Variants in NFRKB observed in about 807,000 individuals in gnomAD.
NFRKB encodes the protein nuclear factor related to kappa-B-binding protein.
NFRKB carries 62 observed loss-of-function variants against 135.7 expected under a neutral mutation model. That is an observed-to-expected ratio of 0.46 (90% confidence interval 0.37 to 0.56). The LOEUF is 0.56. Ranked by LOEUF, NFRKB falls within the 20% of genes least tolerant of loss-of-function variation. The pLI, the probability that NFRKB is intolerant of heterozygous loss-of-function variation, is 0.00. For synonymous variants in NFRKB, 678 were observed against 635.6 expected (o/e 1.07, Z -1.00); for missense variants, 1,545 against 1,662.0 (o/e 0.93, Z 1.22).
At position 129,873,889 on chromosome 11, in the gene NFRKB, C is replaced by G; in HGVS notation, c.2406G>C (p.Leu802=). ...GCTGGGCCACCACTCGCACCTGAGA[C>G]AGTCCAGCAGAGCCAGAGTGGCTCA... ...RVVSHSGSAG[L]SQVRVVAQPS... Residue 802 remains leucine (L), a synonymous_variant, in exon 22 of 27, where the codon CTG becomes CTC. Transcript: ENST00000682444. 6.2e-7 allele frequency: 1 copy of G among 1,614,090 alleles called. No individual in the cohort carries two copies. The highest frequency in any genetic ancestry group is 8.5e-7 in the Non-Finnish European group (1 of 1,180,046).
intron 25 of NFRKB, 63 bp downstream of exon 25, chr11:129,865,814 T>C (rs1349453344): frequency 5.5e-6 from 8 of 1,462,606 alleles, no homozygotes; most frequent in Non-Finnish European, 7.7e-6. Flanking sequence ...TGACAAGGAC[T>C]GGTAAGCCCT....
intron 13 of NFRKB, among the ~76,000 whole-genome samples, chr11:129,878,752 T>C (rs551424456): frequency 1.3e-5 from 2 of 152,320 alleles, no homozygotes; most frequent in East Asian, 1.9e-4. Context: ...ATTCACTCCG[T>C]AGGCATTCGC....
In NFRKB at chr11:129,873,804, G is replaced by A; in HGVS notation, c.2491C>T (p.Pro831Ser). 6.2e-7 allele frequency: 1 copy of A among 1,614,214 alleles called. No individual in the cohort carries two copies. Among genetic ancestry groups the A allele is most frequent in the Middle Eastern group, 1.6e-4 (1 of 6,062 alleles). The change falls in exon 22 of 27, where the codon CCA (proline) becomes TCA (serine). Residue 831 changes from proline (P) to serine (S), a missense_variant. Physicochemically the swap from Pro to Ser is moderately conservative, Grantham distance 74. Transcript: ENST00000682444. ...GGAACCCGGATCTGCGGTCCTGCTG[G>A]CATCTGTGGCAATGTCTGTGCCGGC... ...GGPAQTLPQM[P>S]AGPQIRVPAT...
chr11:129,882,711 T>C lies in NFRKB; in HGVS notation c.902-80A>G, dbSNP rs575096826. ...GAGGGGTCTTATCTGCATATTCTTT[T>C]CCCAAGGCCCACCAAAGACAGAAAA... On this transcript the variant is annotated intron_variant, in intron 9 of 26. Transcript: ENST00000682444. 1.1e-4 allele frequency: 154 copies of C among 1,386,776 alleles called. 1 individual carries two copies. The South Asian group carries it at 1.3e-3, about 12-fold the overall frequency. 85.9% of individuals were successfully genotyped at this position (1,386,776 alleles called of 1,614,324 possible).
In NFRKB at chr11:129,887,309, G is replaced by A. The variant is rs549725186; in HGVS notation, c.338-865C>T. 3.9e-5 allele frequency among the ~76,000 whole-genome samples: 6 copies of A among 152,298 alleles called. No homozygotes were observed. The East Asian group carries it at 9.6e-4, about 24-fold the overall frequency. On this transcript the variant is annotated intron_variant, in intron 4 of 26. Transcript: ENST00000682444. ...AAAATGAGACTATCACATGATCCAT[G>A]ATCCCAAAGTATCATCCCACACTGC... is the stretch of plus-strand genomic sequence containing the variant.
intron 15 of NFRKB, among the ~76,000 whole-genome samples, 174 bp downstream of exon 15, chr11:129,878,135 A>G (rs902632137): frequency 3.9e-5 from 6 of 152,124 alleles, no homozygotes; most frequent in Non-Finnish European, 1.5e-5. Context: ...AGCCCCTTCC[A>G]CAAGGAGTCC....
intron 22 of NFRKB, 80 bp downstream of exon 22, chr11:129,873,665 C>T: frequency 1.3e-6 from 2 of 1,554,160 alleles, no homozygotes; most frequent in Admixed American, 3.5e-5. Flanking sequence ...AGTCCTTACC[C>T]AGACACTGCC....
In NFRKB at chr11:129,888,620, A is replaced by G; in HGVS notation, c.311T>C (p.Leu104Pro). ...SGENFRFGNP[L>P]HIAQKLFRDG... is the part of the protein sequence containing the mutation. ...TCGGAAAAGCTTCTGGGCAATGTGCAGAGGGTTTCCAAAGCGGAAGTTCTC... is the reference window on the plus strand; with the variant it reads ...TCGGAAAAGCTTCTGGGCAATGTGCGGAGGGTTTCCAAAGCGGAAGTTCTC... The change falls in exon 4 of 27, where the codon CTG becomes CCG. Residue 104 changes from leucine to proline, a missense_variant. Leu to Pro is a moderately conservative substitution (Grantham distance 98). This residue lies in a region of NFRKB where 678 missense variants were observed against 646.7 expected (regional missense o/e 1.05). Coordinates refer to ENST00000682444, the MANE Select transcript of NFRKB (RefSeq NM_001143835.2). 1.2e-6 allele frequency: 2 copies of G among 1,614,214 alleles called. No individual in the cohort carries two copies. The highest frequency in any genetic ancestry group is 1.7e-6 in the Non-Finnish European group (2 of 1,180,042).
intron 11 of NFRKB, 86 bp from the exon 12 acceptor site, chr11:129,881,939 T>C (rs1323518704): frequency 2.6e-5 from 40 of 1,521,638 alleles, no homozygotes; most frequent in East Asian, 6.8e-5. Context: ...CTGCAGTATA[T>C]GCATCCGGTG....
chr11:129,886,555 A>C (rs780518972), intron 4 of NFRKB, 111 bp from the exon 5 acceptor site: 130 of 996,154 alleles, frequency 1.3e-4, no homozygotes, highest in Middle Eastern at 5.8e-4. Context: ...CACAAAACTT[A>C]AGGGAAAAGT....
Position 129,884,121 on chromosome 11 carries a change from A to C in NFRKB, c.765T>G (p.Ser255Arg). The change falls in exon 8 of 27, where the codon AGT (serine) becomes AGG (arginine). Residue 255 changes from serine to arginine, a missense_variant. By Grantham distance (110) the Ser-to-Arg change is moderately radical. Coordinates refer to ENST00000682444, the MANE Select transcript of NFRKB (RefSeq NM_001143835.2). ...GCTTCTTTAACATTATCTTCAGGTC[A>C]CTGTCCCCCAGTTCTACTTTATCTG... is the stretch of plus-strand genomic sequence containing the variant. ...KTADKVELGD[S>R]DLKIMLKKHH... The C allele has an allele frequency of 6.2e-7, 1 of 1,614,170 alleles. No individual in the cohort carries two copies. The highest frequency in any genetic ancestry group is 8.5e-7 in the Non-Finnish European group (1 of 1,180,028).
chr11:129,878,174 G>T, intron 15 of NFRKB, 135 bp downstream of exon 15: 1 of 886,722 alleles, frequency 1.1e-6, no homozygotes, highest in South Asian at 1.7e-5. Context: ...GGCCAAGTCA[G>T]GAAGAACCAG....
Position 129,885,581 on chromosome 11 carries a change from C to A in NFRKB, c.494G>T (p.Gly165Val), listed in dbSNP as rs781271071. ...SDLLEMARRS[G>V]PALPFRQKRP... ...TTTCTGCCGGAAGGGAAGGGCGGGG[C>A]CACTCCGCCGGGCCATCTCCAGCAG... The change falls in exon 6 of 27, where the codon GGC becomes GTC. Residue 165 changes from glycine (G) to valine (V), a missense_variant. By Grantham distance (109) the Gly-to-Val change is moderately radical (BLOSUM62 -3). This residue lies in a region of NFRKB where 678 missense variants were observed against 646.7 expected (regional missense o/e 1.05). Transcript: ENST00000682444. The A allele has an allele frequency of 5.6e-5, 91 of 1,612,676 alleles. No homozygotes were observed. The highest frequency in any genetic ancestry group is 7.5e-5 in the Non-Finnish European group (89 of 1,179,044).
At chr11:129,888,933 A>T in intron 3 of NFRKB, 138 bp from the exon 4 acceptor site, 2 of 624,644 alleles carry the variant, frequency 3.2e-6, no homozygotes, top group Non-Finnish European at 5.5e-6. Flanking sequence ...AGTGGCCTTA[A>T]GTGCATTCAC....
At chr11:129,893,389 C>CAAAA (rs375172554) in intron 2 of NFRKB, 39,479 of 115,458 alleles carry the variant, frequency 0.34, 9,606 homozygotes, top group African/African-American at 0.38. Flanking sequence ...CCCTTCTCTA[C>CAAAA]AAAAAAAAAA....
chr11:129,879,078 G>A (rs1948907006), intron 13 of NFRKB, among the ~76,000 whole-genome samples: 2 of 152,084 alleles, frequency 1.3e-5, no homozygotes, highest in South Asian at 4.1e-4. Context: ...CCTGTCTCCT[G>A]TGCCCTCTTC....
intron 4 of NFRKB, 30 bp downstream of exon 4, chr11:129,888,564 C>CCCT: frequency 3.7e-6 from 6 of 1,601,794 alleles, no homozygotes; most frequent in Non-Finnish European, 5.1e-6. Flanking sequence ...TCCACCACCC[C>CCCT]CCTCAAAGAA....
chr11:129,886,673 C>T (rs1949294195), intron 4 of NFRKB, among the ~76,000 whole-genome samples: 1 of 152,214 alleles, frequency 6.6e-6, no homozygotes, highest in African/African-American at 2.4e-5. Flanking sequence ...ATGCAACTGT[C>T]TTCAGCAGCA....
intron 10 of NFRKB, 55 bp downstream of exon 10, chr11:129,882,396 G>T: frequency 6.3e-7 from 1 of 1,586,678 alleles, no homozygotes; most frequent in Non-Finnish European, 8.6e-7. Context: ...CCAGGGCACA[G>T]CCTATGGCTT....
Sources: allele counts gnomAD v4.1 joint callset (sites outside exome capture counted in the v4.1 genomes callset), GRCh38; gene constraint gnomAD v4.1.1; regional missense constraint gnomAD v4.1.1; transcripts MANE v1.5; gene names NCBI Gene and HGNC (gene_info 2026-07-23, HGNC 2026-07-21).